RTN1: variants seen among roughly 807,000 people sequenced by gnomAD.
RTN1 encodes the protein reticulon-1.
A neutral mutation model predicts 65.5 loss-of-function variants in RTN1; 25 were observed. That is an observed-to-expected ratio of 0.38 (90% CI 0.28 to 0.53). The LOEUF is 0.53. Ranked by LOEUF, RTN1 falls within the 20% of genes least tolerant of loss-of-function variation. RTN1 has a pLI of 0.79. For synonymous variants in RTN1, 471 were observed against 447.6 expected, an observed-to-expected ratio of 1.05 and a Z score of -0.66; for missense variants, 983 against 1,025.4, an observed-to-expected ratio of 0.96 and a Z score of 0.57.
intron 3 of RTN1, among the ~76,000 whole-genome samples, chr14:59,612,883 A>G (rs1460359371): frequency 6.6e-6 from 1 of 152,240 alleles, no homozygotes; most frequent in African/African-American, 2.4e-5. Context: ...CCCTTCTGGG[A>G]AAAGCAATAG....
chr14:59,732,422 C>T (rs183125931), intron 2 of RTN1, among the ~76,000 whole-genome samples: 1 of 152,342 alleles, frequency 6.6e-6, no homozygotes, highest in Non-Finnish European at 1.5e-5. Flanking sequence ...GGTTCTCCCA[C>T]TGGGATTGAT....
intron 3 of RTN1, among the ~76,000 whole-genome samples, chr14:59,708,434 T>C (rs999958379): frequency 1.3e-5 from 2 of 152,256 alleles, no homozygotes; most frequent in African/African-American, 4.8e-5. Flanking sequence ...ACACAGCTTG[T>C]TCCAATTGCT....
chr14:59,619,899 G>C (rs540388436), intron 3 of RTN1, among the ~76,000 whole-genome samples: 1 of 152,260 alleles, frequency 6.6e-6, no homozygotes, highest in South Asian at 2.1e-4. Context: ...ACTTTGCAGG[G>C]GGCACTGCTA....
intron 3 of RTN1, among the ~76,000 whole-genome samples, chr14:59,682,864 T>C (rs992388670): frequency 2.6e-5 from 4 of 152,188 alleles, no homozygotes; most frequent in Non-Finnish European, 5.9e-5. Flanking sequence ...TGGTTCCTAA[T>C]ACGCATGCAC....
At chr14:59,728,101 C>T (rs1884818976) in intron 2 of RTN1, among the ~76,000 whole-genome samples, 1 of 152,044 alleles carries the variant, frequency 6.6e-6, no homozygotes, top group Admixed American at 6.6e-5. Flanking sequence ...TCTAATTGGG[C>T]CCACGAATAT....
intron 1 of RTN1, among the ~76,000 whole-genome samples, chr14:59,865,894 G>C (rs1406525569): frequency 1.3e-5 from 2 of 152,176 alleles, no homozygotes; most frequent in African/African-American, 4.8e-5. Context: ...TGAAGATGTA[G>C]AGAATGAGAT....
At chr14:59,802,813 C>T (rs1371279873) in intron 1 of RTN1, among the ~76,000 whole-genome samples, 2 of 152,088 alleles carry the variant, frequency 1.3e-5, no homozygotes, top group Admixed American at 1.3e-4. Context: ...TAATTGTAAA[C>T]AAATATTTTT....
At chr14:59,666,607 A>G (rs1003871311) in intron 3 of RTN1, among the ~76,000 whole-genome samples, 1 of 152,194 alleles carries the variant, frequency 6.6e-6, no homozygotes, top group Non-Finnish European at 1.5e-5. Flanking sequence ...CAGCTGAAAG[A>G]GATAGAGACA....
chr14:59,618,088 C>T (rs1006803426), intron 3 of RTN1, among the ~76,000 whole-genome samples: 10 of 152,228 alleles, frequency 6.6e-5, no homozygotes, highest in African/African-American at 1.9e-4. Flanking sequence ...TGTCCTTGTT[C>T]ATTCCTGGGT....
chr14:59,865,702 C>A (rs1256996738), intron 1 of RTN1, among the ~76,000 whole-genome samples: 1 of 152,158 alleles, frequency 6.6e-6, no homozygotes, highest in East Asian at 1.9e-4. Flanking sequence ...TGACTTTAGC[C>A]TAGAGCATTC....
intron 1 of RTN1, among the ~76,000 whole-genome samples, chr14:59,830,128 C>G (rs1887100395): frequency 6.6e-6 from 1 of 152,186 alleles, no homozygotes; most frequent in African/African-American, 2.4e-5. Flanking sequence ...AGCCCTCTGC[C>G]CACCAGCAGC....
chr14:59,745,680 C>T, intron 2 of RTN1, 28 bp downstream of exon 2: 4 of 1,526,880 alleles, frequency 2.6e-6, no homozygotes, highest in South Asian at 2.6e-5. Flanking sequence ...CTGGGTTTTC[C>T]TAAGTCAAGC....
chr14:59,683,453 GA>G (rs10711795), intron 3 of RTN1, among the ~76,000 whole-genome samples: 111,177 of 148,632 alleles, frequency 0.75, 41,469 homozygotes, highest in African/African-American at 0.79. Context: ...TTAGAAAATT[GA>G]AAAAAAAAAA....
At chr14:59,657,497 G>C (rs1219111558) in intron 3 of RTN1, among the ~76,000 whole-genome samples, 1 of 152,236 alleles carries the variant, frequency 6.6e-6, no homozygotes, top group Admixed American at 6.5e-5. Context: ...CTCCCAGTGA[G>C]ATCAACACAG....
chr14:59,680,191 A>G (rs948121117), intron 3 of RTN1, among the ~76,000 whole-genome samples: 2 of 152,196 alleles, frequency 1.3e-5, no homozygotes, highest in Admixed American at 6.5e-5. Flanking sequence ...CTCTGGGGAA[A>G]AAATGGGATA....
intron 1 of RTN1, among the ~76,000 whole-genome samples, chr14:59,763,991 G>T (rs1885801140): frequency 6.6e-6 from 1 of 152,160 alleles, no homozygotes; most frequent in South Asian, 2.1e-4. Context: ...TTGCACTGGG[G>T]CTTTGAAAAT....
chr14:59,819,425 ACCCCCCACCCCCCCCCC>A lies in RTN1; in HGVS notation c.241+50948_241+50964del, dbSNP rs747237183. Among the ~76,000 whole-genome samples, 105 of 14,830 alleles carry A rather than the reference ACCCCCCACCCCCCCCCC, an allele frequency of 7.1e-3. 13 individuals are homozygous for A. Among genetic ancestry groups the A allele is most frequent in the Non-Finnish European group, 0.01 (97 of 9,400 alleles). 9.7% of individuals were successfully genotyped at this position (14,830 alleles called of 152,430 possible). A position where few individuals can be genotyped will look rare whatever the true frequency, so the allele number is the denominator to read the frequency against. On this transcript the variant is annotated intron_variant, in intron 1 of 8. Coordinates refer to ENST00000267484, the MANE Select transcript of RTN1 (RefSeq NM_021136.3). ...TCCACACCACCACCACCCCCCCCCC[ACCCCCCACCCCCCCCCC>A]CCGGCCACAGCTAGACACAGAGTAC... is the stretch of plus-strand genomic sequence containing the variant.
intron 1 of RTN1, among the ~76,000 whole-genome samples, chr14:59,792,875 T>G (rs1957982): frequency 0.97 from 148,256 of 152,254 alleles, 72,256 homozygotes; most frequent in Middle Eastern, 1. Flanking sequence ...TTTTTTGTGT[T>G]TGCGGCCCTC....
At chr14:59,674,917 A>G (rs1342152219) in intron 3 of RTN1, among the ~76,000 whole-genome samples, 2 of 152,160 alleles carry the variant, frequency 1.3e-5, no homozygotes, top group Non-Finnish European at 2.9e-5. Flanking sequence ...GGGGAAATTG[A>G]TATCTCAATT....
Sources: allele counts gnomAD v4.1 joint callset (sites outside exome capture counted in the v4.1 genomes callset), GRCh38; gene constraint gnomAD v4.1.1; transcripts MANE v1.5; gene names NCBI Gene and HGNC (gene_info 2026-07-23, HGNC 2026-07-21).